The following BABAM2 variants were observed in gnomAD, a reference collection of about 807,000 sequenced individuals.
The protein encoded by BABAM2 is BRISC and BRCA1-A complex member 2.
Under a neutral mutation model 54.7 loss-of-function variants are expected in BABAM2, and 31 were observed. The ratio of observed to expected loss-of-function variants is 0.57; its 90% CI spans 0.43 to 0.77. The LOEUF is 0.77. Among genes scored for constraint, BABAM2 ranks in the 30% least tolerant of loss-of-function variants. BABAM2 has a pLI of 0.00. For missense variants in BABAM2, 364 were observed against 455.8 expected (o/e 0.80, Z 1.83); for synonymous variants, 167 against 162.9 (o/e 1.03, Z -0.19).
At chr2:28,219,431 C>G (rs535569437) in intron 7 of BABAM2, among the ~76,000 whole-genome samples, 48 of 152,328 alleles carry the variant, frequency 3.2e-4, no homozygotes, top group African/African-American at 1.1e-3. Flanking sequence ...ACTCGTGTGT[C>G]TAGATGGATT....
chr2:28,119,363 C>A (rs886188948), intron 6 of BABAM2, among the ~76,000 whole-genome samples: 37 of 152,084 alleles, frequency 2.4e-4, no homozygotes, highest in African/African-American at 8.9e-4. Context: ...CAGTGAGGAC[C>A]CTGGCTATAC....
chr2:27,963,622 A>G (rs1245385973), intron 3 of BABAM2, among the ~76,000 whole-genome samples: 1 of 152,160 alleles, frequency 6.6e-6, no homozygotes, highest in Non-Finnish European at 1.5e-5. Context: ...AACTAGTCTT[A>G]ACGGTTTTTT....
intron 6 of BABAM2, among the ~76,000 whole-genome samples, chr2:28,111,646 G>A (rs1183930754): frequency 6.6e-6 from 1 of 150,576 alleles, no homozygotes; most frequent in East Asian, 2.0e-4. Context: ...ATACTTCAGT[G>A]TGTTGCTTTT....
intron 3 of BABAM2, among the ~76,000 whole-genome samples, chr2:27,937,893 C>G (rs542566761): frequency 6.6e-6 from 1 of 152,104 alleles, no homozygotes; most frequent in African/African-American, 2.4e-5. Context: ...CCAATTGTGA[C>G]GAGGCATTTC....
At position 28,073,600 on chromosome 2, in the gene BABAM2, T is replaced by C. The variant is rs1218265317; in HGVS notation, c.570+27801T>C. Among the ~76,000 whole-genome samples the C allele has an allele frequency of 2.0e-5, 3 of 152,230 alleles. No individual in the cohort carries two copies. In the East Asian group the frequency reaches 5.8e-4, roughly 29 times the overall value. On this transcript the variant is annotated intron_variant, in intron 6 of 11. Coordinates refer to ENST00000379624, the MANE Select transcript of BABAM2 (RefSeq NM_199191.3). ...TGTAAAATAGAAAAGGAAAAATTCA[T>C]GAAATTCTACCCCCTAGAAATGAAC...
chr2:28,060,035 A>G (rs776278741), intron 6 of BABAM2, among the ~76,000 whole-genome samples: 57 of 152,202 alleles, frequency 3.7e-4, no homozygotes, highest in Non-Finnish European at 7.2e-4. Flanking sequence ...AAATCAGGCA[A>G]AGATATTACA....
intron 11 of BABAM2, among the ~76,000 whole-genome samples, chr2:28,321,347 T>C (rs1350757654): frequency 6.6e-6 from 1 of 152,138 alleles, no homozygotes; most frequent in African/African-American, 2.4e-5. Context: ...TCCCACTTAA[T>C]CAGATAGGGA....
At chr2:28,310,962 T>C (rs2148280577) in intron 11 of BABAM2, among the ~76,000 whole-genome samples, 1 of 148,466 alleles carries the variant, frequency 6.7e-6, no homozygotes, top group South Asian at 2.1e-4. Context: ...GGTGTGCCCT[T>C]TCAAGAACAA....
rs973527205 is a variant in BABAM2, at chr2:28,282,689, C to T, written c.935-15649C>T. Among the ~76,000 whole-genome samples, 3 of 152,004 alleles carry T rather than the reference C, an allele frequency of 2.0e-5. No individual in the cohort carries two copies. The East Asian group carries it at 5.8e-4, about 29-fold the overall frequency. ...TATTCAATAAATGCTGATTTTCCTC[C>T]TTTTTCTTAGCATTAAGAAAGTATT... On this transcript the variant is annotated intron_variant, in intron 10 of 11. Coordinates refer to ENST00000379624, the MANE Select transcript of BABAM2 (RefSeq NM_199191.3).
intron 7 of BABAM2, among the ~76,000 whole-genome samples, chr2:28,148,205 A>G (rs959468343): frequency 2.0e-5 from 3 of 152,184 alleles, no homozygotes; most frequent in Admixed American, 6.5e-5. Flanking sequence ...TCAGTCTGGC[A>G]CACTTTAGGT....
At chr2:28,213,644 A>C (rs1236802461) in intron 7 of BABAM2, among the ~76,000 whole-genome samples, 1 of 152,132 alleles carries the variant, frequency 6.6e-6, no homozygotes, top group African/African-American at 2.4e-5. Flanking sequence ...CTTTTTAAAA[A>C]ATTGAACTTA....
At chr2:28,170,706 G>A (rs1367022033) in intron 7 of BABAM2, among the ~76,000 whole-genome samples, 1 of 152,118 alleles carries the variant, frequency 6.6e-6, no homozygotes, top group Non-Finnish European at 1.5e-5. Flanking sequence ...GCTGTAAAGG[G>A]GGATTAGAGG....
intron 6 of BABAM2, among the ~76,000 whole-genome samples, chr2:28,073,886 A>T (rs908655352): frequency 9.3e-5 from 14 of 151,092 alleles, no homozygotes; most frequent in Non-Finnish European, 2.1e-4. Flanking sequence ...ACACACAGAC[A>T]TATATATCTA....
intron 5 of BABAM2, among the ~76,000 whole-genome samples, chr2:28,026,876 A>ATATATGTAGATATATATATT (rs1675799864): frequency 1.8e-5 from 1 of 56,174 alleles, no homozygotes; most frequent in Non-Finnish European, 3.1e-5. Flanking sequence ...ATATATATTT[A>ATATATGTAGATATATATATT]TATATATATA....
chr2:28,176,352 C>T (rs1347297885), intron 7 of BABAM2, among the ~76,000 whole-genome samples: 3 of 151,704 alleles, frequency 2.0e-5, no homozygotes, highest in Non-Finnish European at 4.4e-5. Flanking sequence ...GGTGGATCAC[C>T]TGAGGCCAGG....
At chr2:28,287,535 C>A (rs1480594722) in intron 10 of BABAM2, among the ~76,000 whole-genome samples, 1 of 152,148 alleles carries the variant, frequency 6.6e-6, no homozygotes, top group East Asian at 1.9e-4. Flanking sequence ...CAGTGGCAAA[C>A]ATGTAGGGAT....
chr2:28,226,292 C>G (rs767436572), intron 7 of BABAM2, among the ~76,000 whole-genome samples: 2 of 152,130 alleles, frequency 1.3e-5, no homozygotes, highest in Non-Finnish European at 2.9e-5. Context: ...TTTCCAAGAC[C>G]GTTAAACTCT....
intron 6 of BABAM2, among the ~76,000 whole-genome samples, chr2:28,098,716 G>A (rs900270814): frequency 1.3e-5 from 2 of 152,174 alleles, no homozygotes; most frequent in Admixed American, 6.5e-5. Context: ...TCCCAAGTGA[G>A]CAATATTGGA....
At chr2:28,301,540 G>A (rs760212584) in intron 11 of BABAM2, among the ~76,000 whole-genome samples, 1 of 152,170 alleles carries the variant, frequency 6.6e-6, no homozygotes, top group Non-Finnish European at 1.5e-5. Flanking sequence ...GGATGGACTT[G>A]CTATGAGAGG....
Sources: gnomAD v4.1 joint callset for allele counts (sites outside exome capture counted in the v4.1 genomes callset) on GRCh38, gnomAD v4.1.1 for gene constraint, MANE v1.5 for transcripts, NCBI Gene and HGNC (gene_info 2026-07-23, HGNC 2026-07-21) for gene names.